The following PALS1 variants were observed in gnomAD, a reference collection of about 807,000 sequenced individuals.
PALS1 encodes the protein protein PALS1.
PALS1 carries 31 observed loss-of-function variants against 78.9 expected under a neutral mutation model. The observed-to-expected ratio is 0.39, with a 90% CI of 0.30 to 0.53. The LOEUF (loss-of-function observed/expected upper bound fraction) is 0.53, where lower values mean the gene tolerates loss of function less well. PALS1 is among the 20% of genes least tolerant of loss of function. The pLI, the probability that PALS1 is intolerant of heterozygous loss-of-function variation, is 0.67. For synonymous variants in PALS1, 276 were observed against 270.9 expected, an observed-to-expected ratio of 1.02 and a Z score of -0.18; for missense variants, 704 against 826.5, an observed-to-expected ratio of 0.85 and a Z score of 1.82.
At chr14:67,312,310 G>A in intron 8 of PALS1, 2 of 323,986 alleles carry the variant, frequency 6.2e-6, no homozygotes, top group Non-Finnish European at 5.5e-6. Context: ...AAGTGCAGTG[G>A]CTCACACCTA....
chr14:67,251,707 C>T (rs2084065923), intron 1 of PALS1, among the ~76,000 whole-genome samples: 1 of 152,158 alleles, frequency 6.6e-6, no homozygotes, highest in African/African-American at 2.4e-5. Context: ...TGACAGCTGA[C>T]CTAGAGCTTC....
At chr14:67,330,836 G>T (rs2085437559) in intron 14 of PALS1, among the ~76,000 whole-genome samples, 1 of 152,172 alleles carries the variant, frequency 6.6e-6, no homozygotes. Context: ...ATGTGAAAAA[G>T]ATTTTAACTG....
intron 8 of PALS1, among the ~76,000 whole-genome samples, chr14:67,308,775 G>A (rs2085047469): frequency 6.6e-6 from 1 of 151,764 alleles, no homozygotes; most frequent in Admixed American, 6.6e-5. Flanking sequence ...CATTGAACAT[G>A]TCCCCTCCCA....
rs539927546 is a variant in PALS1 at position 67,314,372 on chromosome 14, T to C, written c.1225+1662T>C. ...CAACATAATATTTACATTTATTCTT[T>C]TTGAGTATAAGGTCACAGAAAGCTT... On this transcript the variant is annotated intron_variant, in intron 9 of 14. Coordinates refer to ENST00000261681, the MANE Select transcript of PALS1 (RefSeq NM_022474.4). Among the ~76,000 whole-genome samples, 3 of 152,354 alleles carry C rather than the reference T, an allele frequency of 2.0e-5. No individual in the cohort carries two copies. The South Asian group carries it at 6.2e-4, about 32-fold the overall frequency.
chr14:67,284,143 G>A (rs2140729369), intron 3 of PALS1, among the ~76,000 whole-genome samples: 1 of 152,232 alleles, frequency 6.6e-6, no homozygotes, highest in South Asian at 2.1e-4. Context: ...GTTAGAACCA[G>A]AAGCTACAGA....
intron 13 of PALS1, among the ~76,000 whole-genome samples, chr14:67,323,233 G>A (rs10139226): frequency 1.0e-3 from 15 of 14,930 alleles, no homozygotes; most frequent in Non-Finnish European, 4.6e-3. Flanking sequence ...ATATATACAC[G>A]TGTGTGTGTG....
chr14:67,315,209 T>A, intron 9 of PALS1, among the ~76,000 whole-genome samples: 1 of 152,102 alleles, frequency 6.6e-6, no homozygotes, highest in East Asian at 1.9e-4. Flanking sequence ...ACATTTTTAA[T>A]ATGTAAATGA....
intron 1 of PALS1, among the ~76,000 whole-genome samples, chr14:67,267,634 G>C (rs1486562474): frequency 6.6e-6 from 1 of 152,280 alleles, no homozygotes; most frequent in South Asian, 2.1e-4. Flanking sequence ...TAAGATTTAG[G>C]TTTTATGGGA....
chr14:67,286,357 T>A (rs2140758407), intron 3 of PALS1, among the ~76,000 whole-genome samples: 1 of 152,348 alleles, frequency 6.6e-6, no homozygotes, highest in South Asian at 2.1e-4. Flanking sequence ...CTTCTCTCTG[T>A]CCTCTGTCTT....
At chr14:67,285,947 T>C (rs1229747908) in intron 3 of PALS1, among the ~76,000 whole-genome samples, 1 of 152,232 alleles carries the variant, frequency 6.6e-6, no homozygotes, top group Non-Finnish European at 1.5e-5. Context: ...TTTTCTTACT[T>C]TAGAATAATA....
intron 4 of PALS1, 48 bp from the exon 5 acceptor site, chr14:67,301,340 TG>T: frequency 7.6e-7 from 1 of 1,311,516 alleles, no homozygotes; most frequent in South Asian, 1.3e-5. Flanking sequence ...CAGGTGCTAC[TG>T]ATACTTCCTA....
intron 3 of PALS1, among the ~76,000 whole-genome samples, chr14:67,291,925 A>T (rs567918295): frequency 6.6e-6 from 1 of 152,204 alleles, no homozygotes; most frequent in Non-Finnish European, 1.5e-5. Flanking sequence ...TAAAAGTTCT[A>T]TTTCTGGGAC....
chr14:67,317,399 G>C lies in PALS1; in HGVS notation c.1298-9G>C, dbSNP rs374010889. 62 of 1,606,096 alleles carry C rather than the reference G, an allele frequency of 3.9e-5. No homozygotes were observed. Among genetic ancestry groups the C allele is most frequent in the Non-Finnish European group, 4.7e-5 (55 of 1,175,600 alleles). ...CACATTTATAGTTATGTTTATGATT[G>C]CTCAACAGGAAAACTGTGGTGTGCA... On this transcript the variant is annotated splice_polypyrimidine_tract_variant and intron_variant, in intron 10 of 14. Transcript: ENST00000261681.
At chr14:67,290,783 C>T (rs2084759382) in intron 3 of PALS1, among the ~76,000 whole-genome samples, 1 of 152,162 alleles carries the variant, frequency 6.6e-6, no homozygotes, top group South Asian at 2.1e-4. Flanking sequence ...AGTCCACCTG[C>T]TTCAGTTTCC....
intron 3 of PALS1, among the ~76,000 whole-genome samples, chr14:67,283,152 T>G (rs2084627761): frequency 6.6e-6 from 1 of 152,022 alleles, no homozygotes; most frequent in Non-Finnish European, 1.5e-5. Flanking sequence ...ATACTATTAG[T>G]GTGAAGAAGG....
intron 14 of PALS1, 39 bp from the exon 15 acceptor site, chr14:67,332,741 G>A: frequency 6.4e-7 from 1 of 1,572,446 alleles, no homozygotes; most frequent in Non-Finnish European, 8.7e-7. Flanking sequence ...ATTTGGTTAG[G>A]AAAGGAATTA....
At position 67,302,099 on chromosome 14, in the gene PALS1, A is replaced by G; in HGVS notation, c.782A>G (p.Lys261Arg). The change falls in exon 6 of 15, where the codon AAG (lysine) becomes AGG (arginine). Residue 261 changes from lysine (K) to arginine (R), a missense_variant. Coordinates refer to ENST00000261681, the MANE Select transcript of PALS1 (RefSeq NM_022474.4). ...GETVKIVRIE[K>R]ARDIPLGATV... ...ACTGTAAAAATAGTTCGTATAGAAA[A>G]GGCTCGTGATATTCCGTTGGTAAGT... is the stretch of plus-strand genomic sequence containing the variant. The G allele has an allele frequency of 1.2e-6, 2 of 1,604,856 alleles. No individual in the cohort carries two copies. The highest frequency in any genetic ancestry group is 1.7e-6 in the Non-Finnish European group (2 of 1,176,008).
chr14:67,284,684 A>G (rs970928444), intron 3 of PALS1, among the ~76,000 whole-genome samples: 2 of 150,964 alleles, frequency 1.3e-5, no homozygotes, highest in African/African-American at 4.9e-5. Context: ...ACAACCACGA[A>G]TATACTTTCT....
chr14:67,321,092 G>T lies in PALS1; in HGVS notation c.1573G>T (p.Gly525Cys). Residue 525 changes from glycine (G) to cysteine (C), a missense_variant, in exon 13 of 15, where the codon GGT becomes TGT. By Grantham distance (159) the Gly-to-Cys change is radical. Transcript: ENST00000261681. ...TRSRRDQEVA[G>C]RDYHFVSRQA... ...GAGTAGGCGAGACCAAGAAGTAGCC[G>T]GTAGAGATTACCACTTTGTTTCGCG... The T allele has an allele frequency of 6.2e-7, 1 of 1,614,072 alleles. No homozygotes were observed. The highest frequency in any genetic ancestry group is 8.5e-7 in the Non-Finnish European group (1 of 1,179,980).
Sources: gnomAD v4.1 joint callset for allele counts (sites outside exome capture counted in the v4.1 genomes callset) on GRCh38, gnomAD v4.1.1 for gene constraint, MANE v1.5 for transcripts, NCBI Gene and HGNC (gene_info 2026-07-23, HGNC 2026-07-21) for gene names.